Variants in NTRK3 observed in about 807,000 individuals in gnomAD.
NTRK3 encodes neurotrophic receptor tyrosine kinase 3.
In NTRK3, 24 loss-of-function variants were observed where a neutral mutation model predicts 91.7. That is an observed-to-expected ratio of 0.26 (90% CI 0.19 to 0.37). NTRK3 has a LOEUF of 0.37. Ranked by LOEUF, NTRK3 falls within the 10% of genes least tolerant of loss-of-function variation. The pLI is 1.00. For synonymous variants in NTRK3, 483 were observed against 404.0 expected, an observed-to-expected ratio of 1.20 and a Z score of -2.34; for missense variants, 880 against 1,068.9, an observed-to-expected ratio of 0.82 and a Z score of 2.46.
intron 14 of NTRK3, among the ~76,000 whole-genome samples, chr15:87,953,489 C>T (rs956411882): frequency 6.6e-6 from 1 of 152,162 alleles, no homozygotes; most frequent in African/African-American, 2.4e-5. Context: ...TGGGAAGATC[C>T]CAGACATTGG....
At chr15:87,868,434 T>C (rs1461469694) in exon 19 of NTRK3, 1 of 221,366 alleles carries the variant, frequency 4.5e-6, no homozygotes, top group Non-Finnish European at 9.0e-6. Flanking sequence ...GAGATTCTTA[T>C]TATTTAAATG....
chr15:88,065,792 G>C (rs1458781234), intron 13 of NTRK3, among the ~76,000 whole-genome samples: 9 of 152,166 alleles, frequency 5.9e-5, no homozygotes. Context: ...TGTTGAACTG[G>C]CTGATCTGAA....
At position 88,255,875 on chromosome 15, in the gene NTRK3, A is replaced by C; in HGVS notation, c.248+31T>G. 6.3e-7 allele frequency: 1 copy of C among 1,582,180 alleles called. No individual in the cohort carries two copies. Among genetic ancestry groups the C allele is most frequent in the Non-Finnish European group, 8.6e-7 (1 of 1,159,710 alleles). On this transcript the variant is annotated intron_variant, in intron 3 of 18. Transcript: ENST00000394480. This position sits in a 1 kb window ranked among gnomAD's most constrained non-coding sequence, Gnocchi z 4.3. The stretch of plus-strand genomic sequence containing the variant: ...AGGAGGGAGACGCAGAGCGCGGGGG[A>C]GGCAGGCTGGGGAGCGGCCGCCTGA...
At chr15:87,955,407 G>T (rs2071553281) in intron 14 of NTRK3, among the ~76,000 whole-genome samples, 1 of 152,236 alleles carries the variant, frequency 6.6e-6, no homozygotes, top group Non-Finnish European at 1.5e-5. Context: ...GTTATCTGCT[G>T]CACGCTACAG....
At chr15:88,042,442 C>G (rs2079732068) in intron 13 of NTRK3, among the ~76,000 whole-genome samples, 1 of 152,182 alleles carries the variant, frequency 6.6e-6, no homozygotes. Flanking sequence ...GGCTTCCAGA[C>G]AGACTCTGCC....
chr15:87,915,343 G>A (rs2067374514), intron 17 of NTRK3, among the ~76,000 whole-genome samples: 4 of 152,200 alleles, frequency 2.6e-5, no homozygotes. Flanking sequence ...TCTCCCTCTG[G>A]GATGATGAGG....
intron 14 of NTRK3, among the ~76,000 whole-genome samples, chr15:87,992,992 A>G (rs1596567958): frequency 6.6e-6 from 1 of 152,224 alleles, no homozygotes; most frequent in African/African-American, 2.4e-5. Flanking sequence ...GCTGCACTAC[A>G]GTATCTTGGC....
chr15:88,055,215 C>T (rs928286323), intron 13 of NTRK3, among the ~76,000 whole-genome samples: 2 of 152,144 alleles, frequency 1.3e-5, no homozygotes, highest in African/African-American at 4.8e-5. Context: ...CTCTCTTCAC[C>T]CTCCCCACCT....
At chr15:88,074,622 C>T (rs1468745414) in intron 13 of NTRK3, among the ~76,000 whole-genome samples, 1 of 152,146 alleles carries the variant, frequency 6.6e-6, no homozygotes, top group Admixed American at 6.5e-5. Context: ...TCACTCCCAC[C>T]CAGCATCCTC....
chr15:87,867,545 G>A (rs989457321), exon 19 of NTRK3: 2 of 229,938 alleles, frequency 8.7e-6, no homozygotes, highest in African/African-American at 2.2e-5. Flanking sequence ...GAAACAGATT[G>A]GCTTGCCCCA....
intron 14 of NTRK3, among the ~76,000 whole-genome samples, chr15:88,019,403 T>C (rs1033266689): frequency 1.3e-5 from 2 of 152,198 alleles, no homozygotes; most frequent in African/African-American, 2.4e-5. Context: ...TGTGATTCTA[T>C]GGAGACATAT....
At chr15:88,111,666 C>T (rs2051371659) in intron 13 of NTRK3, among the ~76,000 whole-genome samples, 1 of 152,146 alleles carries the variant, frequency 6.6e-6, no homozygotes, top group African/African-American at 2.4e-5. Flanking sequence ...TGACTAAGAG[C>T]ATGTGGCTTG....
chr15:88,168,184 G>C (rs1435021199), intron 5 of NTRK3, among the ~76,000 whole-genome samples: 2 of 152,148 alleles, frequency 1.3e-5, no homozygotes, highest in East Asian at 3.9e-4. Flanking sequence ...GAATATTCTA[G>C]CACAACCCCA....
intron 14 of NTRK3, among the ~76,000 whole-genome samples, chr15:87,999,984 T>A (rs1358797780): frequency 6.6e-6 from 1 of 152,212 alleles, no homozygotes; most frequent in East Asian, 1.9e-4. Flanking sequence ...GACTTCTTAG[T>A]GCTATGATAG....
chr15:88,236,778 A>C (rs568940819), intron 3 of NTRK3, among the ~76,000 whole-genome samples: 71 of 151,098 alleles, frequency 4.7e-4, no homozygotes, highest in African/African-American at 1.7e-3. Context: ...TAAAAAAAAA[A>C]AAAAAAAAAA....
chr15:87,864,560 CA>C (rs35064447), exon 19 of NTRK3: 13,561 of 230,160 alleles, frequency 0.059, 493 homozygotes, highest in South Asian at 0.12. Context: ...AAGGCTTTAA[CA>C]GTACTGTGAA....
chr15:87,887,019 A>G (rs1295430052), intron 17 of NTRK3, among the ~76,000 whole-genome samples: 1 of 152,184 alleles, frequency 6.6e-6, no homozygotes, highest in South Asian at 2.1e-4. Flanking sequence ...AAATTTTTCA[A>G]TAACAGAGTC....
intron 14 of NTRK3, among the ~76,000 whole-genome samples, chr15:88,020,379 G>C (rs148337262): frequency 6.6e-6 from 1 of 152,126 alleles, no homozygotes; most frequent in Admixed American, 6.5e-5. Context: ...ACTCCTAAGA[G>C]CATCTTCATA....
At chr15:88,200,211 G>C (rs1172585448) in intron 3 of NTRK3, among the ~76,000 whole-genome samples, 1 of 152,204 alleles carries the variant, frequency 6.6e-6, no homozygotes, top group Non-Finnish European at 1.5e-5. Flanking sequence ...CCACCTGCCC[G>C]GACTGGCCGC....
Sources: gnomAD v4.1 joint callset for allele counts (sites outside exome capture counted in the v4.1 genomes callset) on GRCh38, gnomAD v4.1.1 for gene constraint, Gnocchi (gnomAD v3.1) non-coding constraint, MANE v1.5 for transcripts, NCBI Gene and HGNC (gene_info 2026-07-23, HGNC 2026-07-21) for gene names.